Variants in ZFPM2 observed in about 807,000 individuals in gnomAD.
ZFPM2 encodes the protein zinc finger protein, FOG family member 2, also known as zinc finger protein ZFPM2.
In ZFPM2, 20 loss-of-function variants were observed where a neutral mutation model predicts 98.6. The ratio of observed to expected loss-of-function variants is 0.20; its 90% confidence interval spans 0.14 to 0.29. ZFPM2 has a LOEUF of 0.29. Ranked by LOEUF, ZFPM2 falls within the 10% of genes least tolerant of loss-of-function variation. The pLI is 1.00. For missense variants in ZFPM2, 1,310 were observed against 1,388.6 expected (o/e 0.94, Z 0.90); for synonymous variants, 518 against 502.7 (o/e 1.03, Z -0.41).
At chr8:105,572,551 T>C (rs2130724016) in intron 4 of ZFPM2, among the ~76,000 whole-genome samples, 1 of 152,092 alleles carries the variant, frequency 6.6e-6, no homozygotes, top group Admixed American at 6.5e-5. Context: ...CACCACAACC[T>C]CCGCCTCCCA....
chr8:105,568,263 G>A (rs997730174), intron 4 of ZFPM2, among the ~76,000 whole-genome samples: 1 of 152,072 alleles, frequency 6.6e-6, no homozygotes, highest in Admixed American at 6.6e-5. Flanking sequence ...CACAAAGAGA[G>A]TTTATTCCTG....
At chr8:105,369,620 T>A (rs1335799087) in intron 1 of ZFPM2, among the ~76,000 whole-genome samples, 1 of 152,178 alleles carries the variant, frequency 6.6e-6, no homozygotes, top group Non-Finnish European at 1.5e-5. Flanking sequence ...TTTTTATGGT[T>A]GTAACAATCT....
chr8:105,505,171 G>T (rs560801364), intron 3 of ZFPM2, among the ~76,000 whole-genome samples: 2 of 152,218 alleles, frequency 1.3e-5, no homozygotes, highest in East Asian at 3.9e-4. Flanking sequence ...GAAAGAAATT[G>T]TATCTACTCT....
intron 2 of ZFPM2, among the ~76,000 whole-genome samples, chr8:105,431,515 G>A (rs1045039193): frequency 4.6e-5 from 7 of 152,086 alleles, no homozygotes; most frequent in Non-Finnish European, 7.4e-5. Context: ...CCTGGATATC[G>A]TAGAATTTAC....
chr8:105,608,527 T>TGTAAAA (rs533949518), intron 4 of ZFPM2, among the ~76,000 whole-genome samples: 143 of 151,104 alleles, frequency 9.5e-4, no homozygotes, highest in Non-Finnish European at 1.5e-3. Flanking sequence ...TAATGCCATA[T>TGTAAAA]GTAAAAGTTG....
chr8:105,377,613 A>G (rs1174573622), intron 1 of ZFPM2, among the ~76,000 whole-genome samples: 1 of 144,214 alleles, frequency 6.9e-6, no homozygotes. Context: ...AATCCAAAAA[A>G]AAAAAAAAAA....
At chr8:105,461,395 C>A (rs1162601272) in intron 3 of ZFPM2, among the ~76,000 whole-genome samples, 1 of 152,072 alleles carries the variant, frequency 6.6e-6, no homozygotes, top group Non-Finnish European at 1.5e-5. Context: ...ATTAATAATT[C>A]TCCTGATTTC....
chr8:105,371,931 A>G (rs534304724), intron 1 of ZFPM2, among the ~76,000 whole-genome samples: 3 of 151,900 alleles, frequency 2.0e-5, no homozygotes, highest in African/African-American at 4.8e-5. Context: ...TATATACTGG[A>G]CTACTTAGGA....
intron 5 of ZFPM2, among the ~76,000 whole-genome samples, chr8:105,726,367 T>C (rs1811805538): frequency 6.6e-6 from 1 of 151,760 alleles, no homozygotes; most frequent in Admixed American, 6.6e-5. Context: ...GAGAAAGCTA[T>C]GGGGAGCCTG....
At chr8:105,442,899 GT>G (rs145127235) in intron 2 of ZFPM2, among the ~76,000 whole-genome samples, 55 of 149,156 alleles carry the variant, frequency 3.7e-4, no homozygotes, top group East Asian at 1.8e-3. Flanking sequence ...GAAGTTCAGT[GT>G]TTTTTTTTTG....
chr8:105,548,678 T>C (rs1374469759), intron 3 of ZFPM2, among the ~76,000 whole-genome samples: 1 of 152,194 alleles, frequency 6.6e-6, no homozygotes, highest in Admixed American at 6.5e-5. Flanking sequence ...TGTATATTGC[T>C]TTAGTCCTTT....
At chr8:105,412,985 C>T (rs1349916816) in intron 1 of ZFPM2, among the ~76,000 whole-genome samples, 1 of 151,824 alleles carries the variant, frequency 6.6e-6, no homozygotes, top group Non-Finnish European at 1.5e-5. Flanking sequence ...TAATTTCAAG[C>T]TAGAAACGTT....
At chr8:105,736,068 A>G (rs1812065720) in intron 5 of ZFPM2, among the ~76,000 whole-genome samples, 1 of 152,012 alleles carries the variant, frequency 6.6e-6, no homozygotes, top group South Asian at 2.1e-4. Flanking sequence ...TTGCGATAGT[A>G]TTAATGTTTA....
chr8:105,642,184 T>A (rs1816960539), intron 5 of ZFPM2, among the ~76,000 whole-genome samples: 1 of 152,030 alleles, frequency 6.6e-6, no homozygotes, highest in Non-Finnish European at 1.5e-5. Flanking sequence ...GAATAGTTTT[T>A]AAAACACTGT....
chr8:105,466,880 G>A (rs1389554163), intron 3 of ZFPM2, among the ~76,000 whole-genome samples: 8 of 151,748 alleles, frequency 5.3e-5, no homozygotes, highest in East Asian at 3.9e-4. Flanking sequence ...ATAATAGGGT[G>A]GAAAAAGCCT....
chr8:105,697,002 G>A (rs1305244196), intron 5 of ZFPM2, among the ~76,000 whole-genome samples: 1 of 152,118 alleles, frequency 6.6e-6, no homozygotes. Context: ...AAAGAATTAA[G>A]CCAAATATAT....
At chr8:105,687,929 G>C (rs937319333) in intron 5 of ZFPM2, among the ~76,000 whole-genome samples, 4 of 151,952 alleles carry the variant, frequency 2.6e-5, no homozygotes, top group African/African-American at 9.7e-5. Flanking sequence ...TAAGCTCTGA[G>C]GGCTAGAAAG....
intron 5 of ZFPM2, among the ~76,000 whole-genome samples, chr8:105,708,330 ATGT>A (rs1811308620): frequency 6.6e-6 from 1 of 152,160 alleles, no homozygotes. Context: ...CTAATTGTGT[ATGT>A]TGTTTTACCA....
chr8:105,730,628 A>G (rs1811907751), intron 5 of ZFPM2, among the ~76,000 whole-genome samples: 1 of 151,656 alleles, frequency 6.6e-6, no homozygotes, highest in East Asian at 2.0e-4. Context: ...AACTCTCTTA[A>G]TGCCTCTTCT....
Sources: allele counts gnomAD v4.1 joint callset (sites outside exome capture counted in the v4.1 genomes callset), GRCh38; gene constraint gnomAD v4.1.1; transcripts MANE v1.5; gene names NCBI Gene and HGNC (gene_info 2026-07-23, HGNC 2026-07-21).